The following RALGAPA2 variants were observed in gnomAD, a reference collection of about 807,000 sequenced individuals.
RALGAPA2 encodes the protein Ral GTPase activating protein catalytic subunit alpha 2, also known as ral GTPase-activating protein subunit alpha-2.
RALGAPA2 carries 139 observed loss-of-function variants against 230.4 expected under a neutral mutation model. The observed-to-expected ratio is 0.60, with a 90% CI of 0.53 to 0.69. RALGAPA2 has a LOEUF of 0.69. RALGAPA2 is among the 30% of genes least tolerant of loss of function. RALGAPA2 has a pLI of 0.00. For missense variants in RALGAPA2, 2,163 were observed against 2,276.0 expected (o/e 0.95, Z 1.01); for synonymous variants, 847 against 837.8 (o/e 1.01, Z -0.19).
chr20:20,708,443 T>C (rs2069698106), intron 1 of RALGAPA2, among the ~76,000 whole-genome samples: 1 of 152,214 alleles, frequency 6.6e-6, no homozygotes, highest in African/African-American at 2.4e-5. Flanking sequence ...TCCCCCATAC[T>C]GTTCTCATGG....
At chr20:20,435,427 C>T (rs2060588617) in intron 37 of RALGAPA2, among the ~76,000 whole-genome samples, 1 of 152,198 alleles carries the variant, frequency 6.6e-6, no homozygotes, top group Non-Finnish European at 1.5e-5. Context: ...GTTAAGGGCA[C>T]TGTCATTTGG....
chr20:20,535,717 A>G (rs1455437475), intron 26 of RALGAPA2, 28 bp downstream of exon 26: 1 of 1,534,830 alleles, frequency 6.5e-7, no homozygotes, highest in Non-Finnish European at 8.8e-7. Context: ...AAAATTCTAA[A>G]ATAGTTTACC....
At chr20:20,675,759 G>C (rs2068299291) in intron 3 of RALGAPA2, among the ~76,000 whole-genome samples, 1 of 151,954 alleles carries the variant, frequency 6.6e-6, no homozygotes, top group Non-Finnish European at 1.5e-5. Context: ...ATCAAAAAAA[G>C]TTTTTGCATG....
At chr20:20,669,130 G>A (rs1470397106) in intron 3 of RALGAPA2, among the ~76,000 whole-genome samples, 2 of 152,210 alleles carry the variant, frequency 1.3e-5, no homozygotes, top group Non-Finnish European at 2.9e-5. Flanking sequence ...GCCAGAACAT[G>A]TTTACGTTTT....
chr20:20,659,809 C>A, intron 3 of RALGAPA2: 4 of 861,556 alleles, frequency 4.6e-6, no homozygotes, highest in Non-Finnish European at 7.3e-6. Flanking sequence ...AAAAACAGAA[C>A]AAGACAAGAA....
intron 37 of RALGAPA2, among the ~76,000 whole-genome samples, chr20:20,456,853 T>A (rs1273978134): frequency 2.0e-5 from 3 of 151,998 alleles, no homozygotes; most frequent in Non-Finnish European, 4.4e-5. Context: ...TTTTTTTAAG[T>A]GACAGTGTCT....
At chr20:20,436,459 C>T (rs1006355869) in intron 37 of RALGAPA2, among the ~76,000 whole-genome samples, 1 of 152,148 alleles carries the variant, frequency 6.6e-6, no homozygotes. Context: ...CAATGCCATC[C>T]CTAATATGAA....
chr20:20,465,944 G>C (rs1164683819), intron 37 of RALGAPA2, among the ~76,000 whole-genome samples: 1 of 152,226 alleles, frequency 6.6e-6, no homozygotes, highest in Non-Finnish European at 1.5e-5. Flanking sequence ...TCCAGTATCT[G>C]CAAGGGCCAG....
At chr20:20,446,009 T>C (rs887771988) in intron 37 of RALGAPA2, among the ~76,000 whole-genome samples, 1 of 152,070 alleles carries the variant, frequency 6.6e-6, no homozygotes, top group Non-Finnish European at 1.5e-5. Context: ...TTCTTAGAGC[T>C]AAAGTATCAT....
chr20:20,414,322 C>T (rs2060123772), intron 37 of RALGAPA2, among the ~76,000 whole-genome samples: 1 of 152,180 alleles, frequency 6.6e-6, no homozygotes, highest in Non-Finnish European at 1.5e-5. Flanking sequence ...TAGCATCGTC[C>T]TGCTGTTTCC....
chr20:20,549,384 G>C, intron 23 of RALGAPA2, among the ~76,000 whole-genome samples: 1 of 152,090 alleles, frequency 6.6e-6, no homozygotes, highest in East Asian at 1.9e-4. Flanking sequence ...TCACTTCAAC[G>C]GAACCTGCTA....
intron 34 of RALGAPA2, 148 bp from the exon 35 acceptor site, chr20:20,503,654 C>A (rs2062445627): frequency 3.1e-6 from 2 of 636,276 alleles, no homozygotes; most frequent in African/African-American, 1.9e-5. Context: ...CAAAGTTAGA[C>A]CAGATTAAAA....
At chr20:20,458,981 A>G (rs73287260) in intron 37 of RALGAPA2, among the ~76,000 whole-genome samples, 1,872 of 151,488 alleles carry the variant, frequency 0.012, 31 homozygotes, top group African/African-American at 0.043. Context: ...CCTTCATAGA[A>G]CTGGTGGCTA....
chr20:20,652,814 C>CTTT (rs932471794), intron 4 of RALGAPA2, among the ~76,000 whole-genome samples: 1 of 152,130 alleles, frequency 6.6e-6, no homozygotes, highest in Non-Finnish European at 1.5e-5. Context: ...TGGTAATTTG[C>CTTT]TTTATTTCAA....
chr20:20,690,430 G>C (rs1054549588), intron 1 of RALGAPA2, among the ~76,000 whole-genome samples: 2 of 152,046 alleles, frequency 1.3e-5, no homozygotes, highest in Non-Finnish European at 2.9e-5. Context: ...GTACACATCA[G>C]GAGATATCCC....
intron 39 of RALGAPA2, 149 bp downstream of exon 39, chr20:20,396,546 A>G (rs925701473): frequency 1.5e-6 from 1 of 660,974 alleles, no homozygotes; most frequent in South Asian, 2.1e-5. Context: ...CAGGGGCAGG[A>G]GTGTGGGCAG....
chr20:20,472,809 C>A lies in RALGAPA2; in HGVS notation c.5495+20G>T. The A allele has an allele frequency of 6.2e-7, 1 of 1,605,716 alleles. No homozygotes were observed. Among genetic ancestry groups the A allele is most frequent in the South Asian group, 1.1e-5 (1 of 89,148 alleles). ...ATTCTGGGATGGTTAGTAAGTTACA[C>A]ATTTAAAGCAAAAAGATACAAGCTC... On this transcript the variant is annotated intron_variant, in intron 37 of 39. Coordinates refer to ENST00000202677, the MANE Select transcript of RALGAPA2 (RefSeq NM_020343.4).
intron 33 of RALGAPA2, among the ~76,000 whole-genome samples, chr20:20,507,297 G>A (rs1319852500): frequency 6.6e-6 from 1 of 152,060 alleles, no homozygotes; most frequent in Non-Finnish European, 1.5e-5. Flanking sequence ...ACATTTTCAC[G>A]TTATCTTTAA....
At chr20:20,684,257 C>T (rs1477666237) in intron 1 of RALGAPA2, among the ~76,000 whole-genome samples, 2 of 152,132 alleles carry the variant, frequency 1.3e-5, no homozygotes, top group African/African-American at 4.8e-5. Context: ...CTCAGAATGC[C>T]ATAAGCTGGC....
Sources: gnomAD v4.1 joint callset for allele counts (sites outside exome capture counted in the v4.1 genomes callset) on GRCh38, gnomAD v4.1.1 for gene constraint, MANE v1.5 for transcripts, NCBI Gene and HGNC (gene_info 2026-07-23, HGNC 2026-07-21) for gene names.